The following EVI5 variants were observed in gnomAD, a reference collection of about 807,000 sequenced individuals.
EVI5 encodes the protein ecotropic viral integration site 5, also known as ecotropic viral integration site 5 protein homolog.
Under a neutral mutation model 112.0 loss-of-function variants are expected in EVI5, and 73 were observed. The observed-to-expected ratio is 0.65, with a 90% CI of 0.54 to 0.79. The LOEUF is 0.79. Ranked by LOEUF, EVI5 falls within the 30% of genes least tolerant of loss-of-function variation. EVI5 has a pLI of 0.00. For synonymous variants in EVI5, 305 were observed against 319.9 expected, an observed-to-expected ratio of 0.95 and a Z score of 0.50; for missense variants, 900 against 968.8, an observed-to-expected ratio of 0.93 and a Z score of 0.94.
chr1:92,514,489 C>A (rs1397759359), intron 19 of EVI5, among the ~76,000 whole-genome samples: 1 of 151,998 alleles, frequency 6.6e-6, no homozygotes, highest in Non-Finnish European at 1.5e-5. Flanking sequence ...TAACAACCGT[C>A]CTATGTGATA....
intron 18 of EVI5, among the ~76,000 whole-genome samples, chr1:92,603,204 G>C (rs1293764887): frequency 6.6e-6 from 1 of 152,204 alleles, no homozygotes; most frequent in African/African-American, 2.4e-5. Flanking sequence ...AAATTAACAA[G>C]TGTTGGTGCA....
intron 6 of EVI5, among the ~76,000 whole-genome samples, chr1:92,697,063 A>G (rs1385814457): frequency 6.6e-6 from 1 of 152,074 alleles, no homozygotes; most frequent in Non-Finnish European, 1.5e-5. Context: ...TGAATAAATA[A>G]AAAATAAAAT....
intron 13 of EVI5, among the ~76,000 whole-genome samples, chr1:92,638,220 C>A (rs1365034407): frequency 6.6e-6 from 1 of 152,082 alleles, no homozygotes; most frequent in African/African-American, 2.4e-5. Context: ...ACCAACTAAT[C>A]CAATCAAGTA....
chr1:92,595,226 T>A (rs892104224), intron 18 of EVI5, among the ~76,000 whole-genome samples: 26 of 151,904 alleles, frequency 1.7e-4, no homozygotes, highest in African/African-American at 6.3e-4. Context: ...CATGGAATAC[T>A]ATGCAGCCAT....
At chr1:92,687,437 C>T (rs1240120155) in intron 9 of EVI5, among the ~76,000 whole-genome samples, 1 of 152,118 alleles carries the variant, frequency 6.6e-6, no homozygotes, top group Non-Finnish European at 1.5e-5. Flanking sequence ...CATAAAAACC[C>T]TAGAAGAAAA....
intron 9 of EVI5, among the ~76,000 whole-genome samples, chr1:92,677,996 A>T (rs1321077742): frequency 2.6e-4 from 39 of 152,162 alleles, no homozygotes; most frequent in Admixed American, 2.6e-3. Flanking sequence ...CTAGGAGCTA[A>T]ACACTGGGTA....
At chr1:92,701,010 T>C (rs1306235263) in intron 5 of EVI5, 3 of 152,242 alleles carry the variant, frequency 2.0e-5, no homozygotes, top group African/African-American at 7.2e-5. Context: ...ATTTATAACC[T>C]AATTCCACTT....
rs542731172 is a variant in EVI5 at position 92,672,200 on chromosome 1, C to A, written c.1158+4958G>T. On this transcript the variant is annotated intron_variant, in intron 10 of 19. Coordinates refer to ENST00000684568, the MANE Select transcript of EVI5 (RefSeq NM_001350197.2). Reference sequence around the variant, plus strand: ...CTGCAATTTACTCTTAACACAGCAACCAGAATGATCTACTGAACTTAAATC... The same window carrying A: ...CTGCAATTTACTCTTAACACAGCAAACAGAATGATCTACTGAACTTAAATC... Among the ~76,000 whole-genome samples, 23 of 152,300 alleles carry A rather than the reference C, an allele frequency of 1.5e-4. No individual in the cohort carries two copies. In the East Asian group the frequency reaches 4.1e-3, roughly 27 times the overall value.
intron 18 of EVI5, 58 bp downstream of exon 18, chr1:92,605,249 A>G: frequency 8.8e-7 from 1 of 1,135,416 alleles, no homozygotes; most frequent in Non-Finnish European, 1.3e-6. Context: ...TACTGTTCAG[A>G]CAAAGAGGAT....
In EVI5 at chr1:92,736,485, AG is replaced by A. The variant is rs1215471247; in HGVS notation, c.61del (p.Leu21TyrfsTer14). 6.2e-7 allele frequency: 1 copy of A among 1,613,924 alleles called. No homozygotes were observed. The highest frequency in any genetic ancestry group is 2.2e-5 in the East Asian group (1 of 44,866). On this transcript the variant is annotated frameshift_variant, in exon 2 of 20. Coordinates refer to ENST00000684568, the MANE Select transcript of EVI5 (RefSeq NM_001350197.2). LOFTEE classifies it high-confidence loss of function. ...AGATGGTGAAAGGGCTGGTGTTGAT[AG>A]TGTGGTAGATGAGGATGTGGTATGT... Reference protein sequence around the residue: ...SLHTTSSSTTLSTPALSPSSP... With the variant: ...SLHTTSSSTTXSTPALSPSSP...
rs1266970782 is a variant in EVI5 at position 92,511,206 on chromosome 1, TG to T, written c.*2449del. ...CTTACGTCTAGTAATCCCAGCACTTTGGGAGGTCAAAGTGGGTGGATCACCT... is the reference window on the plus strand; with the variant it reads ...CTTACGTCTAGTAATCCCAGCACTTTGGAGGTCAAAGTGGGTGGATCACCT... On this transcript the variant is annotated 3_prime_UTR_variant, in exon 20 of 20. Transcript: ENST00000684568. The T allele has an allele frequency of 1.3e-5, 2 of 152,144 alleles. No individual in the cohort carries two copies. Among genetic ancestry groups the T allele is most frequent in the Non-Finnish European group, 2.9e-5 (2 of 68,014 alleles). 9.4% of individuals were successfully genotyped at this position (152,144 alleles called of 1,614,324 possible).
intron 1 of EVI5, among the ~76,000 whole-genome samples, chr1:92,778,240 CA>C (rs568814912): frequency 1.1e-4 from 16 of 152,082 alleles, no homozygotes; most frequent in Non-Finnish European, 2.4e-4. Flanking sequence ...GCAATGCTGA[CA>C]ACTAAGAACA....
At chr1:92,681,956 T>C (rs377235472) in intron 9 of EVI5, among the ~76,000 whole-genome samples, 2 of 152,286 alleles carry the variant, frequency 1.3e-5, no homozygotes, top group East Asian at 3.9e-4. Context: ...TTGCCTATGC[T>C]ACTACAGTCC....
intron 18 of EVI5, among the ~76,000 whole-genome samples, chr1:92,564,583 G>T (rs11588509): frequency 0.13 from 19,396 of 152,112 alleles, 1,434 homozygotes; most frequent in Middle Eastern, 0.19. Context: ...TTTGTTTCAG[G>T]TGAGCACTGG....
intron 19 of EVI5, among the ~76,000 whole-genome samples, chr1:92,549,138 A>G (rs1268062418): frequency 1.3e-5 from 2 of 152,110 alleles, no homozygotes; most frequent in Non-Finnish European, 2.9e-5. Context: ...TGGTACTGGT[A>G]CCAAAACAGA....
chr1:92,681,193 A>T (rs1332199078), intron 9 of EVI5, among the ~76,000 whole-genome samples: 2 of 152,138 alleles, frequency 1.3e-5, no homozygotes, highest in African/African-American at 2.4e-5. Context: ...CCTTGTTTTG[A>T]TTAACTACTG....
chr1:92,596,606 G>A (rs181398525), intron 18 of EVI5, among the ~76,000 whole-genome samples: 410 of 152,174 alleles, frequency 2.7e-3, no homozygotes, highest in Middle Eastern at 3.4e-3. Flanking sequence ...TAACTAAACA[G>A]GGTTTCATGG....
At chr1:92,598,461 G>C (rs1317241598) in intron 18 of EVI5, among the ~76,000 whole-genome samples, 1 of 152,024 alleles carries the variant, frequency 6.6e-6, no homozygotes, top group Non-Finnish European at 1.5e-5. Flanking sequence ...ACCAACATAA[G>C]AGTCTAGTAA....
chr1:92,768,838 A>G (rs7554183), intron 1 of EVI5, among the ~76,000 whole-genome samples: 140,254 of 152,222 alleles, frequency 0.92, 64,703 homozygotes, highest in East Asian at 0.97. Flanking sequence ...ACGCACCACC[A>G]CACTCCAGCT....
Sources: allele counts gnomAD v4.1 joint callset (sites outside exome capture counted in the v4.1 genomes callset), GRCh38; gene constraint gnomAD v4.1.1; transcripts MANE v1.5; gene names NCBI Gene and HGNC (gene_info 2026-07-23, HGNC 2026-07-21).